ATP13A5: variants seen among roughly 807,000 people sequenced by gnomAD.
The protein encoded by ATP13A5 is ATPase 13A5.
ATP13A5 carries 149 observed loss-of-function variants against 150.2 expected under a neutral mutation model. The ratio of observed to expected loss-of-function variants is 0.99; its 90% CI spans 0.87 to 1.14. The LOEUF (loss-of-function observed/expected upper bound fraction) is 1.14, where lower values mean the gene tolerates loss of function less well. Among genes scored for constraint, ATP13A5 ranks in the 50% most tolerant of loss-of-function variants. The probability of loss-of-function intolerance (pLI) is 0.00; values close to 1 mark genes in which losing one functional copy is unlikely to be tolerated. For missense variants in ATP13A5, 1,383 were observed against 1,449.3 expected (o/e 0.95, Z 0.74); for synonymous variants, 497 against 522.2 (o/e 0.95, Z 0.66).
At chr3:193,282,131 G>T (rs1434167967) in intron 27 of ATP13A5, among the ~76,000 whole-genome samples, 1 of 151,916 alleles carries the variant, frequency 6.6e-6, no homozygotes, top group African/African-American at 2.4e-5. Context: ...GGAGGTGAAG[G>T]TTGCAGTGAG....
rs530795886 is a variant in ATP13A5 at position 193,360,513 on chromosome 3, A to G, written c.536+1868T>C. The stretch of plus-strand genomic sequence containing the variant: ...TTTTTAAAGGCCTTGGTCTTACCCT[A>G]AAAAATGAAATGAAAAAATCTTCCA... On this transcript the variant is annotated intron_variant, in intron 5 of 29. Transcript: ENST00000342358. Among the ~76,000 whole-genome samples the G allele has an allele frequency of 8.3e-4, 126 of 152,266 alleles. 1 individual carries two copies. The highest frequency in any genetic ancestry group is 1.5e-4 in the Non-Finnish European group (10 of 68,012).
intron 16 of ATP13A5, 91 bp downstream of exon 16, chr3:193,321,590 C>T: frequency 2.8e-6 from 4 of 1,412,984 alleles, no homozygotes; most frequent in Non-Finnish European, 3.9e-6. Flanking sequence ...GAGATCGTGC[C>T]ACTGCACTCC....
At chr3:193,287,443 C>T (rs1354697059) in intron 26 of ATP13A5, among the ~76,000 whole-genome samples, 1 of 152,138 alleles carries the variant, frequency 6.6e-6, no homozygotes, top group Admixed American at 6.6e-5. Context: ...CTCATTTGCT[C>T]TTCTGAAAAT....
At position 193,311,799 on chromosome 3, in the gene ATP13A5, C is replaced by A. The variant is rs1430552233; in HGVS notation, c.2445+17G>T. ...ATTTGAGGAGCAAAACAAAACACTT[C>A]TTTCTTCAGTACTTACTTTTGGAAG... is the stretch of plus-strand genomic sequence containing the variant. On this transcript the variant is annotated intron_variant, in intron 20 of 29. Transcript: ENST00000342358. The A allele has an allele frequency of 6.2e-7, 1 of 1,613,104 alleles. No individual in the cohort carries two copies. The highest frequency in any genetic ancestry group is 1.3e-5 in the African/African-American group (1 of 75,020).
chr3:193,284,441 T>C (rs1577323645), intron 27 of ATP13A5, among the ~76,000 whole-genome samples: 1 of 152,254 alleles, frequency 6.6e-6, no homozygotes, highest in Non-Finnish European at 1.5e-5. Context: ...GCCAGACCCT[T>C]TACATAAATT....
chr3:193,341,655 A>C (rs1712134483), intron 9 of ATP13A5, among the ~76,000 whole-genome samples: 2 of 152,194 alleles, frequency 1.3e-5, no homozygotes, highest in South Asian at 4.1e-4. Context: ...TGTCTTGCAC[A>C]TCTTAGGACA....
rs764111763 is a variant in ATP13A5, at chr3:193,311,888, G to A, written c.2373C>T (p.Ser791=). 2 of 1,613,916 alleles carry A rather than the reference G, an allele frequency of 1.2e-6. No homozygotes were observed. Among genetic ancestry groups the A allele is most frequent in the South Asian group, 1.1e-5 (1 of 91,068 alleles). The part of the protein sequence containing the change: ...NSSTPRGEGG[S]CYHFAMSGKS... ...TCCCACTCATTGCAAAATGGTAACAGCTTCCTCCTTCCCCACGAGGGGTTG... is the reference window on the plus strand; with the variant it reads ...TCCCACTCATTGCAAAATGGTAACAACTTCCTCCTTCCCCACGAGGGGTTG... The change falls in exon 20 of 30, where the codon AGC becomes AGT. Residue 791 remains serine, a synonymous_variant. Transcript: ENST00000342358.
At chr3:193,374,697 C>T (rs1713579916) in intron 1 of ATP13A5, among the ~76,000 whole-genome samples, 2 of 151,934 alleles carry the variant, frequency 1.3e-5, no homozygotes, top group Non-Finnish European at 1.5e-5. Context: ...CTATATAGTG[C>T]ACTGTAATGC....
intron 1 of ATP13A5, among the ~76,000 whole-genome samples, chr3:193,373,432 C>T (rs1176995773): frequency 7.5e-6 from 1 of 133,550 alleles, no homozygotes; most frequent in African/African-American, 2.9e-5. Flanking sequence ...GCGTGAGCCA[C>T]CGCGCCCAGG....
intron 24 of ATP13A5, among the ~76,000 whole-genome samples, chr3:193,300,181 T>C (rs1718345197): frequency 6.6e-6 from 1 of 152,168 alleles, no homozygotes. Flanking sequence ...CTTTCTCATA[T>C]CCTTTCCTCT....
intron 1 of ATP13A5, among the ~76,000 whole-genome samples, chr3:193,367,881 AC>A (rs1357348511): frequency 6.6e-6 from 1 of 152,042 alleles, no homozygotes; most frequent in Non-Finnish European, 1.5e-5. Context: ...TTAAGTTACA[AC>A]CAAAATGAGA....
At chr3:193,342,886 T>A (rs994819664) in intron 9 of ATP13A5, among the ~76,000 whole-genome samples, 3 of 152,156 alleles carry the variant, frequency 2.0e-5, no homozygotes, top group Non-Finnish European at 2.9e-5. Context: ...GGTTTACAGG[T>A]CAGATACTAT....
At chr3:193,356,378 G>A (rs928190774) in intron 5 of ATP13A5, among the ~76,000 whole-genome samples, 1 of 152,022 alleles carries the variant, frequency 6.6e-6, no homozygotes, top group Non-Finnish European at 1.5e-5. Context: ...CTGAATGAAC[G>A]AATTGATGGC....
chr3:193,327,445 G>A (rs1169390479), intron 12 of ATP13A5, among the ~76,000 whole-genome samples: 1 of 151,380 alleles, frequency 6.6e-6, no homozygotes, highest in African/African-American at 2.4e-5. Context: ...ATTTTTTTTT[G>A]TTCATTTTCG....
intron 25 of ATP13A5, among the ~76,000 whole-genome samples, chr3:193,290,503 T>A (rs778286070): frequency 6.6e-4 from 100 of 151,772 alleles, no homozygotes; most frequent in Non-Finnish European, 1.2e-3. Context: ...CTGGATAATT[T>A]AAAAAAAACA....
In ATP13A5 at chr3:193,321,733, G is replaced by C; in HGVS notation, c.1863C>G (p.Val621=). Residue 621 remains valine (V), a synonymous_variant, in exon 16 of 30, where the codon GTC becomes GTG. Coordinates refer to ENST00000342358, the MANE Select transcript of ATP13A5 (RefSeq NM_198505.4). The part of the protein sequence containing the change: ...AQLAGENHFH[V]YMKGAPEMVA... ...CCATTTCTGGGGCACCTTTCATGTA[G>C]ACATGGAAATGATTCTCCCCAGCTA... The C allele has an allele frequency of 6.2e-7, 1 of 1,614,166 alleles. No individual in the cohort carries two copies. Among genetic ancestry groups the C allele is most frequent in the South Asian group, 1.1e-5 (1 of 91,082 alleles).
rs776379818 is a variant in ATP13A5 at position 193,362,592 on chromosome 3, G to T, written c.430C>A (p.Leu144Met). The change falls in exon 4 of 30, where the codon CTG becomes ATG. Residue 144 changes from leucine (L) to methionine (M), a missense_variant. This residue lies in a region of ATP13A5 where 787 missense variants were observed against 771.9 expected (regional missense o/e 1.02). Transcript: ENST00000342358. Reference protein sequence around the residue: ...VQKIRYVWNDLEKRFQKVGLL... With the variant: ...VQKIRYVWNDMEKRFQKVGLL... ...CCAACTTTCTGAAACCGCTTCTCCA[G>T]GTCGTTCCAAACATACCTGATTTTC... 2.5e-6 allele frequency: 4 copies of T among 1,614,194 alleles called. No individual in the cohort carries two copies. In the Admixed American group the frequency reaches 6.7e-5, roughly 27 times the overall value.
chr3:193,335,092 A>G lies in ATP13A5; in HGVS notation c.951T>C (p.Ser317=), dbSNP rs1472073825. ...GCAATGGTGTCTTTGTAACAGGTATACTTTCTCCTAAAGAGGATTGTATTT... is the reference window on the plus strand; with the variant it reads ...GCAATGGTGTCTTTGTAACAGGTATGCTTTCTCCTAAAGAGGATTGTATTT... The part of the protein sequence containing the change: ...VVNEGMLTGE[S]IPVTKTPLPQ... The change falls in exon 10 of 30, where the codon AGT becomes AGC. Residue 317 remains serine, a synonymous_variant. Coordinates refer to ENST00000342358, the MANE Select transcript of ATP13A5 (RefSeq NM_198505.4). The G allele has an allele frequency of 6.2e-7, 1 of 1,613,504 alleles. No homozygotes were observed. Among genetic ancestry groups the G allele is most frequent in the African/African-American group, 1.3e-5 (1 of 74,908 alleles).
intron 2 of ATP13A5, 50 bp downstream of exon 2, chr3:193,364,057 A>T: frequency 1.3e-6 from 2 of 1,585,502 alleles, no homozygotes; most frequent in Non-Finnish European, 1.7e-6. Flanking sequence ...CAGAGGCAAT[A>T]CAGAAGACAC....
Sources: allele counts gnomAD v4.1 joint callset (sites outside exome capture counted in the v4.1 genomes callset), GRCh38; gene constraint gnomAD v4.1.1; regional missense constraint gnomAD v4.1.1; transcripts MANE v1.5; gene names NCBI Gene and HGNC (gene_info 2026-07-23, HGNC 2026-07-21).